The following ASXL3 variants were observed in gnomAD, a reference collection of about 807,000 sequenced individuals.
ASXL3 encodes ASXL transcriptional regulator 3.
Under a neutral mutation model 170.6 loss-of-function variants are expected in ASXL3, and 34 were observed. The observed-to-expected ratio is 0.20, with a 90% CI of 0.15 to 0.27. ASXL3 has a LOEUF of 0.27. Ranked by LOEUF, ASXL3 falls within the 10% of genes least tolerant of loss-of-function variation. The probability of loss-of-function intolerance (pLI) is 1.00; values close to 1 mark genes in which losing one functional copy is unlikely to be tolerated. For missense variants in ASXL3, 2,592 were observed against 2,695.3 expected, an observed-to-expected ratio of 0.96 and a Z score of 0.85; for synonymous variants, 1,002 against 989.1, an observed-to-expected ratio of 1.01 and a Z score of -0.24.
At chr18:33,599,117 G>A (rs1017589055) in intron 1 of ASXL3, among the ~76,000 whole-genome samples, 3 of 152,266 alleles carry the variant, frequency 2.0e-5, no homozygotes, top group African/African-American at 7.2e-5. Context: ...ATACAAGAGT[G>A]TATTGTTAAA....
Position 33,745,386 on chromosome 18 carries a change from A to G in ASXL3, c.5538A>G (p.Gly1846=). 4 of 1,614,002 alleles carry G rather than the reference A, an allele frequency of 2.5e-6. No homozygotes were observed. Among genetic ancestry groups the G allele is most frequent in the Non-Finnish European group, 3.4e-6 (4 of 1,179,896 alleles). ...GEHTQVKCEP[G]KLLVEPDVKG... is the part of the protein sequence containing the mutation. ...ACACTCAAGTTAAATGTGAACCAGG[A>G]AAATTGTTGGTGGAGCCAGATGTTA... Residue 1846 remains glycine, a synonymous_variant, in exon 12 of 12, where the codon GGA becomes GGG. Coordinates refer to ENST00000269197, the MANE Select transcript of ASXL3 (RefSeq NM_030632.3).
At chr18:33,629,311 A>G (rs892218471) in intron 2 of ASXL3, among the ~76,000 whole-genome samples, 6 of 152,136 alleles carry the variant, frequency 3.9e-5, no homozygotes, top group African/African-American at 1.4e-4. Flanking sequence ...GTGGCAATAT[A>G]AAAGACCAAG....
intron 5 of ASXL3, among the ~76,000 whole-genome samples, 160 bp downstream of exon 5, chr18:33,661,897 TA>T (rs5823914): frequency 3.3e-5 from 5 of 151,166 alleles, no homozygotes; most frequent in South Asian, 2.1e-4. Flanking sequence ...TAATCTGTGA[TA>T]AAAAAAAACT....
intron 4 of ASXL3, among the ~76,000 whole-genome samples, chr18:33,647,927 A>C (rs2065939224): frequency 6.6e-6 from 1 of 152,050 alleles, no homozygotes; most frequent in Admixed American, 6.6e-5. Context: ...ACAGGCATTC[A>C]GGGGAGAGAA....
chr18:33,745,746 T>C lies in ASXL3; in HGVS notation c.5898T>C (p.His1966=). 3.1e-6 allele frequency: 5 copies of C among 1,613,960 alleles called. No individual in the cohort carries two copies. Among genetic ancestry groups the C allele is most frequent in the Non-Finnish European group, 4.2e-6 (5 of 1,179,872 alleles). ...VGCNAFAFNR[H]LEQKGLGEVS... ...GTAATGCATTTGCCTTCAACAGGCA[T>C]CTTGAACAGAAGGGATTGGGAGAGG... Residue 1966 remains histidine (H), a synonymous_variant, in exon 12 of 12, where the codon CAT becomes CAC. Coordinates refer to ENST00000269197, the MANE Select transcript of ASXL3 (RefSeq NM_030632.3).
intron 2 of ASXL3, among the ~76,000 whole-genome samples, chr18:33,632,061 T>C (rs2065685868): frequency 6.6e-6 from 1 of 152,118 alleles, no homozygotes; most frequent in Admixed American, 6.6e-5. Context: ...TTGCATTTAG[T>C]AATGTTCTTG....
intron 8 of ASXL3, among the ~76,000 whole-genome samples, chr18:33,695,300 A>G (rs2066755007): frequency 6.6e-6 from 1 of 152,070 alleles, no homozygotes; most frequent in Non-Finnish European, 1.5e-5. Context: ...GCTGAGTCTG[A>G]AAGCGTATCT....
At chr18:33,632,070 T>A (rs1219928059) in intron 2 of ASXL3, among the ~76,000 whole-genome samples, 1 of 152,150 alleles carries the variant, frequency 6.6e-6, no homozygotes, top group Admixed American at 6.6e-5. Context: ...GTAATGTTCT[T>A]GTATTACAAA....
chr18:33,643,399 T>C (rs1042067021), intron 2 of ASXL3, among the ~76,000 whole-genome samples: 1 of 151,846 alleles, frequency 6.6e-6, no homozygotes, highest in Non-Finnish European at 1.5e-5. Context: ...AGGAGCTTCA[T>C]GAGGAAAGAT....
intron 5 of ASXL3, among the ~76,000 whole-genome samples, chr18:33,666,405 A>G (rs1317952654): frequency 2.0e-5 from 3 of 152,162 alleles, no homozygotes; most frequent in Non-Finnish European, 4.4e-5. Flanking sequence ...TGTGTAATAG[A>G]AAAAGCTGCC....
intron 8 of ASXL3, among the ~76,000 whole-genome samples, chr18:33,695,660 G>C (rs1160275567): frequency 6.6e-6 from 1 of 152,100 alleles, no homozygotes; most frequent in Non-Finnish European, 1.5e-5. Flanking sequence ...TTACAGAGCT[G>C]ATTCTAGTCT....
At chr18:33,646,151 A>T in intron 3 of ASXL3, 94 bp from the exon 4 acceptor site, 1 of 844,994 alleles carries the variant, frequency 1.2e-6, no homozygotes, top group Non-Finnish European at 1.8e-6. Context: ...AGTCACAAAT[A>T]ACTGATCATA....
chr18:33,618,607 C>T (rs183335223), intron 2 of ASXL3, among the ~76,000 whole-genome samples: 6 of 152,220 alleles, frequency 3.9e-5, no homozygotes, highest in African/African-American at 1.4e-4. Context: ...ATTCCATTAA[C>T]ATTTATTCAG....
At chr18:33,644,409 G>A (rs1409778223) in intron 2 of ASXL3, among the ~76,000 whole-genome samples, 1 of 151,078 alleles carries the variant, frequency 6.6e-6, no homozygotes, top group Admixed American at 6.6e-5. Context: ...GTTCTTCCCT[G>A]GTTTATTATT....
intron 5 of ASXL3, among the ~76,000 whole-genome samples, chr18:33,664,711 G>A (rs944786474): frequency 3.9e-5 from 6 of 152,192 alleles, no homozygotes; most frequent in African/African-American, 1.4e-4. Flanking sequence ...CCTGCCTAAA[G>A]CATGTTGCTA....
chr18:33,732,144 C>A, intron 9 of ASXL3, 80 bp downstream of exon 9: 1 of 1,076,720 alleles, frequency 9.3e-7, no homozygotes, highest in Non-Finnish European at 1.3e-6. Context: ...TCTGATTTTT[C>A]AGTCTTTTCC....
chr18:33,673,023 G>A (rs1364957127), intron 7 of ASXL3, among the ~76,000 whole-genome samples: 4 of 152,022 alleles, frequency 2.6e-5, no homozygotes, highest in Non-Finnish European at 4.4e-5. Flanking sequence ...GTATGTTTGT[G>A]TATAACCATA....
At chr18:33,600,088 T>C (rs1409238379) in intron 1 of ASXL3, among the ~76,000 whole-genome samples, 3 of 152,158 alleles carry the variant, frequency 2.0e-5, no homozygotes, top group Non-Finnish European at 4.4e-5. Context: ...AAAGTGACAC[T>C]GGAAAACTCA....
chr18:33,691,422 T>G (rs2066684534), intron 8 of ASXL3, among the ~76,000 whole-genome samples: 1 of 152,206 alleles, frequency 6.6e-6, no homozygotes, highest in Admixed American at 6.5e-5. Context: ...AAGGAGCTGT[T>G]GTGGCTGCTA....
Sources: allele counts gnomAD v4.1 joint callset (sites outside exome capture counted in the v4.1 genomes callset), GRCh38; gene constraint gnomAD v4.1.1; transcripts MANE v1.5; gene names NCBI Gene and HGNC (gene_info 2026-07-23, HGNC 2026-07-21).